CNTN5: variants seen among roughly 807,000 people sequenced by gnomAD.
CNTN5 encodes contactin-5.
A neutral mutation model predicts 129.1 loss-of-function variants in CNTN5; 77 were observed. The observed-to-expected ratio is 0.60, with a 90% CI of 0.50 to 0.72. The LOEUF is 0.72. Among genes scored for constraint, CNTN5 ranks in the 30% least tolerant of loss-of-function variants. CNTN5 has a pLI of 0.00. For missense variants in CNTN5, 1,478 were observed against 1,328.8 expected (o/e 1.11, Z -1.75); for synonymous variants, 509 against 465.6 (o/e 1.09, Z -1.20).
At chr11:99,760,938 G>GA (rs1011082722) in intron 3 of CNTN5, among the ~76,000 whole-genome samples, 2 of 151,872 alleles carry the variant, frequency 1.3e-5, no homozygotes, top group African/African-American at 2.4e-5. Context: ...ATTTTCAAAA[G>GA]AAAAAAACGT....
intron 2 of CNTN5, among the ~76,000 whole-genome samples, chr11:99,408,927 T>C (rs565857593): frequency 6.6e-6 from 1 of 152,340 alleles, no homozygotes; most frequent in Admixed American, 6.5e-5. Context: ...TGTATTCTTA[T>C]AATAATCTGC....
At chr11:100,031,275 A>G (rs1555181401) in intron 9 of CNTN5, among the ~76,000 whole-genome samples, 1 of 152,184 alleles carries the variant, frequency 6.6e-6, no homozygotes, top group Non-Finnish European at 1.5e-5. Flanking sequence ...TGCATGTGGG[A>G]TTGTGTAAAG....
intron 7 of CNTN5, among the ~76,000 whole-genome samples, chr11:99,927,629 G>T (rs1950093079): frequency 6.6e-6 from 1 of 152,044 alleles, no homozygotes; most frequent in East Asian, 1.9e-4. Flanking sequence ...GATCTCTGGA[G>T]AACTTGCTCA....
chr11:100,282,302 A>T (rs984645082), intron 18 of CNTN5, among the ~76,000 whole-genome samples: 3 of 152,094 alleles, frequency 2.0e-5, no homozygotes, highest in African/African-American at 7.2e-5. Flanking sequence ...GCTTTAGGGG[A>T]CACCCCAAGC....
At chr11:99,408,314 C>A (rs533073939) in intron 2 of CNTN5, among the ~76,000 whole-genome samples, 1 of 149,662 alleles carries the variant, frequency 6.7e-6, no homozygotes, top group South Asian at 2.1e-4. Flanking sequence ...GAACTTCCAC[C>A]TCAGCCTTCT....
At chr11:99,596,143 T>C (rs904807363) in intron 3 of CNTN5, among the ~76,000 whole-genome samples, 3 of 152,160 alleles carry the variant, frequency 2.0e-5, no homozygotes, top group African/African-American at 7.2e-5. Flanking sequence ...TTTTGCAGGA[T>C]AGTCAAGAAG....
chr11:99,109,321 AT>A (rs1182918967), intron 1 of CNTN5, among the ~76,000 whole-genome samples: 1 of 152,070 alleles, frequency 6.6e-6, no homozygotes, highest in East Asian at 1.9e-4. Flanking sequence ...AAAATTGTTG[AT>A]TTTTAAAAAT....
intron 3 of CNTN5, among the ~76,000 whole-genome samples, chr11:99,804,049 G>A (rs922463556): frequency 2.0e-5 from 3 of 152,078 alleles, no homozygotes; most frequent in Admixed American, 1.3e-4. Flanking sequence ...TTATAAAAAT[G>A]TAATGACAGC....
chr11:99,819,453 T>A lies in CNTN5; in HGVS notation c.56-91T>A, dbSNP rs541792239. ...TTGCTTGCAGCTCCAAAGAAGGTTTTTAGTAATGTCTTCAAAGAAACAATC... is the reference window on the plus strand; with the variant it reads ...TTGCTTGCAGCTCCAAAGAAGGTTTATAGTAATGTCTTCAAAGAAACAATC... On this transcript the variant is annotated intron_variant, in intron 3 of 24. Transcript: ENST00000524871. 8.0e-6 allele frequency: 9 copies of A among 1,125,710 alleles called. No homozygotes were observed. The South Asian group carries it at 1.0e-4, about 13-fold the overall frequency. The allele number at this position is 1,125,710 out of a possible 1,614,324, so 69.7% of individuals were successfully genotyped here.
intron 2 of CNTN5, among the ~76,000 whole-genome samples, chr11:99,392,018 T>C (rs1435941331): frequency 6.6e-6 from 1 of 151,920 alleles, no homozygotes; most frequent in Non-Finnish European, 1.5e-5. Context: ...AAATCATTTT[T>C]ATTATTTGTT....
chr11:100,040,827 A>T (rs1465048990), intron 9 of CNTN5, among the ~76,000 whole-genome samples: 1 of 152,108 alleles, frequency 6.6e-6, no homozygotes, highest in Non-Finnish European at 1.5e-5. Context: ...CCATTGGAAA[A>T]GCGCAGTTTT....
At position 100,105,925 on chromosome 11, in the gene CNTN5, T is replaced by C. The variant is rs7937028; in HGVS notation, c.1580+31631T>C. Among the ~76,000 whole-genome samples the C allele has an allele frequency of 2.6e-5, 4 of 152,260 alleles. No individual in the cohort carries two copies. In the South Asian group the frequency reaches 6.2e-4, roughly 24 times the overall value. The stretch of plus-strand genomic sequence containing the variant: ...TCAAACAAGCCTTTCTCTCATAACA[T>C]TGGCCCCATTTTACAGTGGAACTCT... On this transcript the variant is annotated intron_variant, in intron 13 of 24. Coordinates refer to ENST00000524871, the MANE Select transcript of CNTN5 (RefSeq NM_014361.4).
intron 8 of CNTN5, among the ~76,000 whole-genome samples, chr11:99,996,744 C>T (rs7933955): frequency 0.011 from 1,614 of 152,244 alleles, 37 homozygotes; most frequent in African/African-American, 0.037. Context: ...AGGAAACTTA[C>T]AATCATGGCA....
chr11:100,156,144 C>T (rs1326674122), intron 13 of CNTN5, among the ~76,000 whole-genome samples: 2 of 152,110 alleles, frequency 1.3e-5, no homozygotes, highest in Non-Finnish European at 2.9e-5. Context: ...ATGGGTTTGT[C>T]ACAAATAGCT....
intron 9 of CNTN5, among the ~76,000 whole-genome samples, chr11:100,060,360 AAAT>A (rs199881018): frequency 3.0e-5 from 4 of 132,874 alleles, no homozygotes; most frequent in Non-Finnish European, 6.4e-5. Context: ...TATGATCATT[AAAT>A]AATAAAATAG....
chr11:100,179,738 A>T (rs1948079981), intron 13 of CNTN5, among the ~76,000 whole-genome samples: 1 of 152,092 alleles, frequency 6.6e-6, no homozygotes, highest in Non-Finnish European at 1.5e-5. Context: ...ATTGAACTAA[A>T]AATAATTTAT....
chr11:99,945,310 C>T (rs1950529439), intron 7 of CNTN5, among the ~76,000 whole-genome samples: 1 of 151,906 alleles, frequency 6.6e-6, no homozygotes, highest in Admixed American at 6.6e-5. Flanking sequence ...ATAATTTTTG[C>T]ATGGTAAATT....
chr11:99,334,746 A>G (rs1397884644), intron 2 of CNTN5, among the ~76,000 whole-genome samples: 1 of 152,124 alleles, frequency 6.6e-6, no homozygotes, highest in Non-Finnish European at 1.5e-5. Context: ...AATGTAAAAT[A>G]TTTTATTAAT....
intron 6 of CNTN5, among the ~76,000 whole-genome samples, chr11:99,910,575 G>T (rs61911651): frequency 0.015 from 2,333 of 151,992 alleles, 28 homozygotes; most frequent in Non-Finnish European, 0.024. Flanking sequence ...TTTTGTCCTG[G>T]TATAGTTTTT....
Sources: gnomAD v4.1 joint callset for allele counts (sites outside exome capture counted in the v4.1 genomes callset) on GRCh38, gnomAD v4.1.1 for gene constraint, MANE v1.5 for transcripts, NCBI Gene and HGNC (gene_info 2026-07-23, HGNC 2026-07-21) for gene names.